The following LRRC37A2 variants were observed in gnomAD, a reference collection of about 807,000 sequenced individuals.
LRRC37A2 encodes the protein leucine-rich repeat-containing protein 37A2.
A neutral mutation model predicts 68.8 loss-of-function variants in LRRC37A2; 9 were observed. The observed-to-expected ratio is 0.13, with a 90% CI of 0.08 to 0.23. The LOEUF (loss-of-function observed/expected upper bound fraction) is 0.23. Among genes scored for constraint, LRRC37A2 ranks in the 10% least tolerant of loss-of-function variants. The pLI, the probability that LRRC37A2 is intolerant of heterozygous loss-of-function variation, is 1.00. For synonymous variants in LRRC37A2, 63 were observed against 367.6 expected (o/e 0.17, Z 9.48); for missense variants, 168 against 950.4 (o/e 0.18, Z 10.82).
the LRRC37A2 span, among the ~76,000 whole-genome samples, chr17:47,027,932 C>A: frequency 1.3e-5 from 2 of 152,116 alleles, no homozygotes; most frequent in Non-Finnish European, 2.9e-5. Flanking sequence ...TGGGCAAAGG[C>A]CAGAGATGCT....
At chr17:46,858,413 A>G in the LRRC37A2 span, among the ~76,000 whole-genome samples, 4 of 152,232 alleles carry the variant, frequency 2.6e-5, no homozygotes, top group Non-Finnish European at 5.9e-5. Flanking sequence ...GTTCTACCCA[A>G]GAAATCTCTG....
chr17:46,881,394 A>T, the LRRC37A2 span, among the ~76,000 whole-genome samples: 1 of 152,230 alleles, frequency 6.6e-6, no homozygotes, highest in Non-Finnish European at 1.5e-5. Context: ...GCTCCAGTTT[A>T]TCAAGGGATT....
At chr17:46,635,578 G>A in the LRRC37A2 span, among the ~76,000 whole-genome samples, 1 of 94,742 alleles carries the variant, frequency 1.1e-5, no homozygotes, top group Non-Finnish European at 2.3e-5. Context: ...GACCCATGAT[G>A]TGTAGCAACT....
chr17:46,467,821 A>G, the LRRC37A2 span, among the ~76,000 whole-genome samples: 3 of 104,846 alleles, frequency 2.9e-5, 1 homozygote, highest in African/African-American at 1.1e-4. Flanking sequence ...AATACAGAAC[A>G]GCCGCTTTTG....
chr17:46,657,911 C>T, the LRRC37A2 span, among the ~76,000 whole-genome samples: 4 of 87,534 alleles, frequency 4.6e-5, no homozygotes, highest in Admixed American at 4.2e-4. Context: ...TGTCTGTTCT[C>T]GCTTTGAAGA....
chr17:46,967,818 G>T, the LRRC37A2 span, among the ~76,000 whole-genome samples: 3 of 152,268 alleles, frequency 2.0e-5, no homozygotes, highest in South Asian at 6.2e-4. Context: ...GTGAAGGAAA[G>T]ATAAAGAGGG....
chr17:46,386,253 C>T, the LRRC37A2 span, among the ~76,000 whole-genome samples: 6 of 110,478 alleles, frequency 5.4e-5, no homozygotes, highest in African/African-American at 1.8e-4. Flanking sequence ...TGCACACCAC[C>T]ATGTCCAGCA....
the LRRC37A2 span, among the ~76,000 whole-genome samples, chr17:46,942,303 C>G: frequency 6.6e-6 from 1 of 152,246 alleles, no homozygotes; most frequent in Non-Finnish European, 1.5e-5. Context: ...CTGTAGGCCT[C>G]ACGGAGGTCA....
chr17:46,953,794 G>T, the LRRC37A2 span, among the ~76,000 whole-genome samples: 5 of 152,208 alleles, frequency 3.3e-5, no homozygotes, highest in African/African-American at 1.2e-4. Flanking sequence ...GGCCAGTGAT[G>T]ATGAGCATTT....
the LRRC37A2 span, among the ~76,000 whole-genome samples, chr17:46,928,415 G>T: frequency 6.6e-6 from 1 of 152,132 alleles, no homozygotes; most frequent in Non-Finnish European, 1.5e-5. Context: ...AGTCCAGCAG[G>T]CCCCCTTCAT....
At chr17:46,916,909 C>T in the LRRC37A2 span, 1 of 152,186 alleles carries the variant, frequency 6.6e-6, no homozygotes, top group Non-Finnish European at 1.5e-5. Flanking sequence ...GGCAGCCAAA[C>T]TTATCCTTTT....
chr17:46,937,447 A>G, the LRRC37A2 span: 1 of 152,244 alleles, frequency 6.6e-6, no homozygotes, highest in South Asian at 2.1e-4. Context: ...TTGTTGAGAT[A>G]TAATTTACAG....
chr17:46,975,745 C>CA, the LRRC37A2 span, among the ~76,000 whole-genome samples: 1 of 152,194 alleles, frequency 6.6e-6, no homozygotes, highest in African/African-American at 2.4e-5. Context: ...GACCCAAACA[C>CA]ACGTTAGTAC....
At chr17:46,826,594 A>G in the LRRC37A2 span, among the ~76,000 whole-genome samples, 1 of 152,214 alleles carries the variant, frequency 6.6e-6, no homozygotes, top group Non-Finnish European at 1.5e-5. Context: ...TTACTATGTG[A>G]CACTGAGCAT....
At chr17:46,867,829 A>T in the LRRC37A2 span, among the ~76,000 whole-genome samples, 1 of 152,086 alleles carries the variant, frequency 6.6e-6, no homozygotes, top group Non-Finnish European at 1.5e-5. Flanking sequence ...CTAGAGAAAG[A>T]CAGGCTGGTC....
the LRRC37A2 span, chr17:46,932,079 G>GT: frequency 6.2e-7 from 1 of 1,613,872 alleles, no homozygotes; most frequent in South Asian, 1.1e-5. Flanking sequence ...GGGTTGACCA[G>GT]TTAAAGTATG....
chr17:46,934,918 C>A, the LRRC37A2 span: 1 of 954,882 alleles, frequency 1.0e-6, no homozygotes, highest in Non-Finnish European at 1.7e-6. Context: ...CTGATTCTTT[C>A]ACCAGCCCCT....
the LRRC37A2 span, among the ~76,000 whole-genome samples, chr17:46,878,856 A>G: frequency 2.0e-5 from 3 of 152,166 alleles, no homozygotes; most frequent in Non-Finnish European, 2.9e-5. Context: ...GGCTGCTAAC[A>G]TGGACACCCC....
At chr17:46,923,966 T>C in the LRRC37A2 span, 90 of 398,108 alleles carry the variant, frequency 2.3e-4, no homozygotes, top group Admixed American at 3.1e-4. Context: ...ATGATTTTTA[T>C]TTTTTATTGT....
Sources: allele counts gnomAD v4.1 joint callset (sites outside exome capture counted in the v4.1 genomes callset), GRCh38; gene constraint gnomAD v4.1.1; transcripts MANE v1.5; gene names NCBI Gene and HGNC (gene_info 2026-07-23, HGNC 2026-07-21).